The following CACNA1E variants were observed in gnomAD, a reference collection of about 807,000 sequenced individuals.
CACNA1E encodes the protein voltage-dependent R-type calcium channel subunit alpha-1E.
CACNA1E carries 40 observed loss-of-function variants against 259.2 expected under a neutral mutation model. The ratio of observed to expected loss-of-function variants is 0.15; its 90% CI spans 0.12 to 0.20. The LOEUF (loss-of-function observed/expected upper bound fraction) is 0.20, where lower values mean the gene tolerates loss of function less well. Ranked by LOEUF, CACNA1E falls within the 10% of genes least tolerant of loss-of-function variation. The probability of loss-of-function intolerance (pLI) is 1.00; values close to 1 mark genes in which losing one functional copy is unlikely to be tolerated. For synonymous variants in CACNA1E, 1,104 were observed against 1,138.5 expected (o/e 0.97, Z 0.61); for missense variants, 1,874 against 3,040.1 (o/e 0.62, Z 9.02).
At chr1:181,484,938 G>A (rs183637186) in intron 1 of CACNA1E, among the ~76,000 whole-genome samples, 45 of 152,354 alleles carry the variant, frequency 3.0e-4, no homozygotes, top group Middle Eastern at 3.4e-3. Context: ...AACAGGCATG[G>A]AAGGAGCTTC....
intron 1 of CACNA1E, among the ~76,000 whole-genome samples, chr1:181,347,722 G>T (rs935778537): frequency 2.6e-5 from 4 of 152,254 alleles, no homozygotes; most frequent in Admixed American, 2.6e-4. Context: ...GTCAGCCATT[G>T]TGGGTGATGG....
chr1:181,662,817 C>T (rs2102145273), intron 7 of CACNA1E, among the ~76,000 whole-genome samples: 1 of 152,280 alleles, frequency 6.6e-6, no homozygotes, highest in East Asian at 1.9e-4. Context: ...ATCCATGGCA[C>T]CCTACAGGGA....
chr1:181,583,020 A>G (rs1178106616), intron 6 of CACNA1E, among the ~76,000 whole-genome samples: 1 of 151,476 alleles, frequency 6.6e-6, no homozygotes, highest in Non-Finnish European at 1.5e-5. Flanking sequence ...TGCTATTCTG[A>G]TGGCTGGATT....
At chr1:181,486,275 G>T (rs915449420) in intron 1 of CACNA1E, among the ~76,000 whole-genome samples, 2 of 152,236 alleles carry the variant, frequency 1.3e-5, no homozygotes, top group African/African-American at 4.8e-5. Flanking sequence ...TGTCTGCATA[G>T]TTGGAAATTT....
intron 1 of CACNA1E, among the ~76,000 whole-genome samples, chr1:181,497,797 C>T (rs1664891950): frequency 6.6e-6 from 1 of 152,156 alleles, no homozygotes; most frequent in South Asian, 2.1e-4. Flanking sequence ...GCATCTGCAG[C>T]ATCACTGGGT....
chr1:181,331,227 G>A (rs1651236727), intron 1 of CACNA1E, among the ~76,000 whole-genome samples: 1 of 152,104 alleles, frequency 6.6e-6, no homozygotes, highest in African/African-American at 2.4e-5. Context: ...TAGATAGATA[G>A]ATAGATAGAT....
intron 1 of CACNA1E, among the ~76,000 whole-genome samples, chr1:181,497,620 C>T (rs1234412136): frequency 6.6e-6 from 1 of 152,198 alleles, no homozygotes; most frequent in Non-Finnish European, 1.5e-5. Flanking sequence ...ATATTGTTCT[C>T]ATTTTATAGA....
At chr1:181,389,767 C>G (rs1032612082) in intron 1 of CACNA1E, among the ~76,000 whole-genome samples, 2 of 152,200 alleles carry the variant, frequency 1.3e-5, no homozygotes, top group Non-Finnish European at 2.9e-5. Context: ...GTGGCACTTG[C>G]AAATCTTTGT....
chr1:181,409,133 C>T (rs981714386), intron 1 of CACNA1E, among the ~76,000 whole-genome samples: 1 of 152,202 alleles, frequency 6.6e-6, no homozygotes. Flanking sequence ...TTTACATATT[C>T]TCTGGCTGCT....
rs185190523 is a variant in CACNA1E at position 181,568,411 on chromosome 1, C to T, written c.513-9355C>T. ...TGGGGCTTGGGGAGAAGGTAAAAGACCAATAGTTAATCAGGAAAATTCTTT... is the reference window on the plus strand; with the variant it reads ...TGGGGCTTGGGGAGAAGGTAAAAGATCAATAGTTAATCAGGAAAATTCTTT... On this transcript the variant is annotated intron_variant, in intron 3 of 47. Coordinates refer to ENST00000367573, the MANE Select transcript of CACNA1E (RefSeq NM_001205293.3). Among the ~76,000 whole-genome samples, 638 of 152,252 alleles carry T rather than the reference C, an allele frequency of 4.2e-3. 20 individuals are homozygous for T. Among genetic ancestry groups the T allele is most frequent in the Admixed American group, 0.039 (593 of 15,284 alleles).
chr1:181,582,778 C>G (rs1651667305), intron 6 of CACNA1E, among the ~76,000 whole-genome samples: 1 of 152,170 alleles, frequency 6.6e-6, no homozygotes, highest in African/African-American at 2.4e-5. Flanking sequence ...GTGCTCTCTT[C>G]AAATCCCTCT....
chr1:181,676,889 C>A (rs771955489), intron 7 of CACNA1E, among the ~76,000 whole-genome samples: 1 of 152,038 alleles, frequency 6.6e-6, no homozygotes, highest in Admixed American at 6.5e-5. Context: ...TGAGGGGAAC[C>A]TCCTTTTCTC....
chr1:181,477,980 A>G (rs566027876), intron 2 of CACNA1E, among the ~76,000 whole-genome samples: 1 of 152,344 alleles, frequency 6.6e-6, no homozygotes, highest in Non-Finnish European at 1.5e-5. Context: ...CCTGCCTATA[A>G]CTTGACTCTT....
At chr1:181,789,821 C>G (rs1228940514) in intron 43 of CACNA1E, among the ~76,000 whole-genome samples, 2 of 152,226 alleles carry the variant, frequency 1.3e-5, no homozygotes, top group Non-Finnish European at 2.9e-5. Flanking sequence ...TTGTCTCCAT[C>G]CTCTTTTCTC....
chr1:181,711,134 C>T, intron 8 of CACNA1E, 65 bp downstream of exon 8: 1 of 1,033,070 alleles, frequency 9.7e-7, no homozygotes, highest in Non-Finnish European at 1.5e-6. Context: ...CGGCCCCTCA[C>T]TCCCAATGCT....
intron 44 of CACNA1E, among the ~76,000 whole-genome samples, chr1:181,791,940 G>A (rs149169603): frequency 3.3e-5 from 5 of 152,314 alleles, no homozygotes; most frequent in Admixed American, 6.5e-5. Context: ...TATCTCCTGC[G>A]AGTGCTGAGA....
intron 2 of CACNA1E, among the ~76,000 whole-genome samples, chr1:181,470,795 T>C (rs1662453349): frequency 6.6e-6 from 1 of 152,138 alleles, no homozygotes; most frequent in Admixed American, 6.6e-5. Flanking sequence ...TCTTATCAAG[T>C]CCTGAGTGAC....
At chr1:181,674,394 C>CAAA (rs10711497) in intron 7 of CACNA1E, among the ~76,000 whole-genome samples, 3 of 43,584 alleles carry the variant, frequency 6.9e-5, no homozygotes, top group Non-Finnish European at 8.4e-5. Context: ...GACTCCATCT[C>CAAA]AAAAAAAAAA....
intron 1 of CACNA1E, among the ~76,000 whole-genome samples, chr1:181,489,657 C>A (rs1286004074): frequency 6.6e-6 from 1 of 152,206 alleles, no homozygotes. Context: ...ACGTGTCACT[C>A]TGAATCCTCT....
Sources: gnomAD v4.1 joint callset for allele counts (sites outside exome capture counted in the v4.1 genomes callset) on GRCh38, gnomAD v4.1.1 for gene constraint, MANE v1.5 for transcripts, NCBI Gene and HGNC (gene_info 2026-07-23, HGNC 2026-07-21) for gene names.